MKNK1: variants seen among roughly 807,000 people sequenced by gnomAD.
The protein encoded by MKNK1 is MAPK interacting serine/threonine kinase 1, also known as MAP kinase-interacting serine/threonine-protein kinase 1.
In MKNK1, 30 loss-of-function variants were observed where a neutral mutation model predicts 49.3. The observed-to-expected ratio is 0.61, with a 90% CI of 0.46 to 0.83. The LOEUF (loss-of-function observed/expected upper bound fraction) is 0.83, where lower values mean the gene tolerates loss of function less well. MKNK1 is among the 40% of genes least tolerant of loss of function. MKNK1 has a pLI of 0.00. For synonymous variants in MKNK1, 176 were observed against 201.7 expected (o/e 0.87, Z 1.08); for missense variants, 423 against 524.7 (o/e 0.81, Z 1.89).
rs1295197232 is a variant in MKNK1 at position 46,589,554 on chromosome 1, GT to G, written c.-3+4558del. 6.6e-6 allele frequency among the ~76,000 whole-genome samples: 1 copy of G among 152,204 alleles called. No individual in the cohort carries two copies. The highest frequency in any genetic ancestry group is 1.5e-5 in the Non-Finnish European group (1 of 68,036). ...TTTCTCCATTAAAATAGGAATGCAT[GT>G]TTCGTCTCTTTGTAAAACCTGTGAG... is the stretch of plus-strand genomic sequence containing the variant. On this transcript the variant is annotated intron_variant, in intron 2 of 12. Coordinates refer to ENST00000371945, the MANE Select transcript of MKNK1 (RefSeq NM_001135553.4). This position sits in a 1 kb window ranked among gnomAD's most constrained non-coding sequence, Gnocchi z 4.3.
chr1:46,561,354 C>T (rs974218901), intron 11 of MKNK1, 124 bp downstream of exon 11: 24 of 1,094,118 alleles, frequency 2.2e-5, no homozygotes, highest in East Asian at 1.5e-4. Context: ...CAGGGATAGA[C>T]GCTGTCCTCT....
At position 46,565,071 on chromosome 1, in the gene MKNK1, G is replaced by A. The variant is rs760102494; in HGVS notation, c.579C>T (p.Thr193=). 1 of 1,614,184 alleles carries A rather than the reference G, an allele frequency of 6.2e-7. No individual in the cohort carries two copies. Among genetic ancestry groups the A allele is most frequent in the East Asian group, 2.2e-5 (1 of 44,894 alleles). ...GSGMKLNNSC[T]PITTPELTTP... ...TGGTCAGCTCTGGTGTGGTTATGGGGGTACAGGAGTTGTTCAGTTTCATCC... is the reference window on the plus strand; with the variant it reads ...TGGTCAGCTCTGGTGTGGTTATGGGAGTACAGGAGTTGTTCAGTTTCATCC... The change falls in exon 9 of 13, where the codon ACC becomes ACT. Residue 193 remains threonine, a synonymous_variant. Coordinates refer to ENST00000371945, the MANE Select transcript of MKNK1 (RefSeq NM_001135553.4).
At chr1:46,559,151 G>T (rs1667485013) in intron 12 of MKNK1, among the ~76,000 whole-genome samples, 1 of 152,194 alleles carries the variant, frequency 6.6e-6, no homozygotes, top group South Asian at 2.1e-4. Context: ...AGCCTGCGTG[G>T]GGAAAAAGCT....
At chr1:46,569,782 A>G (rs1329506625) in intron 7 of MKNK1, 1 of 152,276 alleles carries the variant, frequency 6.6e-6, no homozygotes, top group Non-Finnish European at 1.5e-5. Context: ...AGCTCGCTGC[A>G]CTAAAAGTGG....
At chr1:46,571,772 A>G (rs1557847504) in intron 7 of MKNK1, among the ~76,000 whole-genome samples, 12 of 152,186 alleles carry the variant, frequency 7.9e-5, no homozygotes. Flanking sequence ...ATCCACACAC[A>G]GTCACACATA....
At chr1:46,576,488 C>T in intron 5 of MKNK1, 87 bp downstream of exon 5, 1 of 1,106,564 alleles carries the variant, frequency 9.0e-7, no homozygotes, top group Non-Finnish European at 1.4e-6. Flanking sequence ...GAGCTAAATG[C>T]TGGAGTCAGG....
intron 4 of MKNK1, 126 bp downstream of exon 4, chr1:46,580,404 G>T: frequency 2.8e-6 from 2 of 715,578 alleles, no homozygotes; most frequent in South Asian, 1.6e-5. Flanking sequence ...GAGAAACCAA[G>T]ATTTGAATCC....
In MKNK1 at chr1:46,558,468, A is replaced by C. The variant is rs1203079087; in HGVS notation, c.*107T>G. On this transcript the variant is annotated 3_prime_UTR_variant, in exon 13 of 13. Coordinates refer to ENST00000371945, the MANE Select transcript of MKNK1 (RefSeq NM_001135553.4). Reference sequence around the variant, plus strand: ...TTCGTAGATGAAAAAGCCTGAATGGAGCCACAGAGCAGAGGCTGCTGCCTG... The same window carrying C: ...TTCGTAGATGAAAAAGCCTGAATGGCGCCACAGAGCAGAGGCTGCTGCCTG... The C allele has an allele frequency of 5.3e-6, 6 of 1,141,686 alleles. No homozygotes were observed. The African/African-American group carries it at 9.4e-5, about 18-fold the overall frequency. 70.7% of individuals were successfully genotyped at this position (1,141,686 alleles called of 1,614,324 possible).
intron 3 of MKNK1, among the ~76,000 whole-genome samples, chr1:46,580,884 C>T (rs958972394): frequency 6.6e-6 from 1 of 152,216 alleles, no homozygotes; most frequent in Admixed American, 6.5e-5. Flanking sequence ...TCGGCACATA[C>T]TTCCTGAATA....
intron 1 of MKNK1, among the ~76,000 whole-genome samples, chr1:46,600,002 C>A (rs746935806): frequency 6.6e-6 from 1 of 152,146 alleles, no homozygotes; most frequent in Non-Finnish European, 1.5e-5. Flanking sequence ...ACAACACACA[C>A]ACACACACCC....
chr1:46,582,961 A>G, intron 3 of MKNK1: 1 of 623,992 alleles, frequency 1.6e-6, no homozygotes, highest in South Asian at 1.5e-5. Context: ...CCACTGATAG[A>G]TGGGTCTTCC....
At chr1:46,585,547 A>G (rs1672440241) in intron 2 of MKNK1, 2 of 277,626 alleles carry the variant, frequency 7.2e-6, no homozygotes. Flanking sequence ...TCTCATCGGC[A>G]CCGCAGGCCC....
At position 46,576,603 on chromosome 1, in the gene MKNK1, C is replaced by T; in HGVS notation, c.250G>A (p.Glu84Lys). The change falls in exon 5 of 13, where the codon GAG becomes AAG. Residue 84 changes from glutamate (E) to lysine (K), a missense_variant. Physicochemically the swap from Glu to Lys is moderately conservative, Grantham distance 56. Coordinates refer to ENST00000371945, the MANE Select transcript of MKNK1 (RefSeq NM_001135553.4). The part of the protein sequence containing the change: ...HSRSRVFREV[E>K]TLYQCQGNKN... ...TTTCCCTGACACTGATACAGCGTCTCCACCTCTCGAAACACCCTACTCCGA... is the reference window on the plus strand; with the variant it reads ...TTTCCCTGACACTGATACAGCGTCTTCACCTCTCGAAACACCCTACTCCGA... The T allele has an allele frequency of 6.2e-7, 1 of 1,614,136 alleles. No individual in the cohort carries two copies. Among genetic ancestry groups the T allele is most frequent in the Non-Finnish European group, 8.5e-7 (1 of 1,179,992 alleles).
At position 46,573,424 on chromosome 1, in the gene MKNK1, A is replaced by G. The variant is rs146689129; in HGVS notation, c.353-1257T>C. 4.0e-4 allele frequency among the ~76,000 whole-genome samples: 61 copies of G among 152,378 alleles called. 1 individual carries two copies. In the East Asian group the frequency reaches 0.012, roughly 29 times the overall value. ...GGGTGGTGCAGGGGCAGACACAGGCAGGAACATGTGGCTTGGCTTCATGTG... is the reference window on the plus strand; with the variant it reads ...GGGTGGTGCAGGGGCAGACACAGGCGGGAACATGTGGCTTGGCTTCATGTG... On this transcript the variant is annotated intron_variant, in intron 6 of 12. Transcript: ENST00000371945.
chr1:46,570,978 A>G (rs1570128106), intron 7 of MKNK1, among the ~76,000 whole-genome samples: 1 of 152,250 alleles, frequency 6.6e-6, no homozygotes, highest in Non-Finnish European at 1.5e-5. Flanking sequence ...GGTAGGCATT[A>G]TTACTGAGAG....
intron 2 of MKNK1, chr1:46,586,132 A>G (rs1181893168): frequency 2.8e-6 from 1 of 362,724 alleles, no homozygotes; most frequent in African/African-American, 2.1e-5. Flanking sequence ...CACAGAGTCC[A>G]CTAGCAGGTC....
chr1:46,601,552 G>A (rs200040727), intron 1 of MKNK1, among the ~76,000 whole-genome samples: 2 of 152,206 alleles, frequency 1.3e-5, no homozygotes, highest in East Asian at 1.9e-4. Flanking sequence ...CAAAACTCAC[G>A]GTCAAGGCAA....
At chr1:46,566,284 G>A (rs1015084744) in intron 8 of MKNK1, among the ~76,000 whole-genome samples, 5 of 152,118 alleles carry the variant, frequency 3.3e-5, no homozygotes, top group African/African-American at 1.2e-4. Context: ...ATTTCACTTA[G>A]CATAATGTTT....
chr1:46,566,050 A>G (rs1332907809), intron 8 of MKNK1, among the ~76,000 whole-genome samples: 1 of 152,228 alleles, frequency 6.6e-6, no homozygotes, highest in Non-Finnish European at 1.5e-5. Flanking sequence ...GTACATTCAC[A>G]GGGTTGTGCA....
Sources: gnomAD v4.1 joint callset for allele counts (sites outside exome capture counted in the v4.1 genomes callset) on GRCh38, gnomAD v4.1.1 for gene constraint, Gnocchi (gnomAD v3.1) non-coding constraint, MANE v1.5 for transcripts, NCBI Gene and HGNC (gene_info 2026-07-23, HGNC 2026-07-21) for gene names.